The following ZNF385D variants were observed in gnomAD, a reference collection of about 807,000 sequenced individuals.
The protein encoded by ZNF385D is zinc finger protein 385D.
In ZNF385D, 15 loss-of-function variants were observed where a neutral mutation model predicts 35.8. That is an observed-to-expected ratio of 0.42 (90% CI 0.28 to 0.64). ZNF385D has a LOEUF of 0.64. Ranked by LOEUF, ZNF385D falls within the 30% of genes least tolerant of loss-of-function variation. The pLI is 0.23. For missense variants in ZNF385D, 474 were observed against 494.6 expected (o/e 0.96, Z 0.39); for synonymous variants, 212 against 186.8 (o/e 1.13, Z -1.10).
chr3:22,193,505 G>T (rs1244739491), intron 2 of ZNF385D, among the ~76,000 whole-genome samples: 1 of 151,946 alleles, frequency 6.6e-6, no homozygotes, highest in Non-Finnish European at 1.5e-5. Context: ...GGAAAAATAT[G>T]GGTTAAATGA....
intron 2 of ZNF385D, among the ~76,000 whole-genome samples, chr3:22,270,989 G>C (rs1701148115): frequency 1.3e-5 from 2 of 151,774 alleles, no homozygotes; most frequent in African/African-American, 4.8e-5. Flanking sequence ...TTTTCATTCT[G>C]GGTATTTTCT....
intron 2 of ZNF385D, among the ~76,000 whole-genome samples, chr3:22,209,622 A>T (rs1020019312): frequency 1.3e-5 from 2 of 151,854 alleles, no homozygotes; most frequent in Admixed American, 1.3e-4. Context: ...TATCATATAT[A>T]TTCATTTCAT....
intron 2 of ZNF385D, among the ~76,000 whole-genome samples, chr3:21,613,221 T>A (rs2064740489): frequency 6.6e-6 from 1 of 152,044 alleles, no homozygotes; most frequent in Non-Finnish European, 1.5e-5. Context: ...ATATATTTCA[T>A]TAAAGTCAAG....
chr3:22,028,078 G>C (rs1376516623), intron 3 of ZNF385D, among the ~76,000 whole-genome samples: 1 of 152,176 alleles, frequency 6.6e-6, no homozygotes, highest in Non-Finnish European at 1.5e-5. Context: ...CGATTCATGG[G>C]CTGTAGTCAA....
At chr3:21,940,441 C>A (rs930810866) in intron 3 of ZNF385D, among the ~76,000 whole-genome samples, 52 of 152,276 alleles carry the variant, frequency 3.4e-4, no homozygotes, top group African/African-American at 1.2e-3. Context: ...ATATGTAAAG[C>A]ACTATTTTTT....
At chr3:22,181,185 T>C (rs1256210119) in intron 2 of ZNF385D, among the ~76,000 whole-genome samples, 1 of 152,100 alleles carries the variant, frequency 6.6e-6, no homozygotes. Context: ...CCTTTCACTA[T>C]TAAAGGAGAA....
chr3:21,415,344 T>C lies in ZNF385D; in HGVS notation c.*5870A>G, dbSNP rs1374242378. On this transcript the variant is annotated 3_prime_UTR_variant, in exon 8 of 8. Coordinates refer to ENST00000281523, the MANE Select transcript of ZNF385D (RefSeq NM_024697.3). ...AGTAGCTGATGTGAAATGATACAAT[T>C]GTATGACCCAACTCAAACTGTTAGC... The C allele has an allele frequency of 6.6e-6, 1 of 152,134 alleles. No individual in the cohort carries two copies. The highest frequency in any genetic ancestry group is 2.4e-5 in the African/African-American group (1 of 41,424). The allele number at this position is 152,134 out of a possible 1,614,324, so 9.4% of individuals were successfully genotyped here.
intron 3 of ZNF385D, among the ~76,000 whole-genome samples, chr3:21,897,545 A>G (rs990069899): frequency 2.0e-5 from 3 of 152,014 alleles, no homozygotes; most frequent in African/African-American, 7.2e-5. Context: ...GGGTGTGCTG[A>G]TTGTGGCTAA....
At chr3:21,619,361 A>G (rs574253693) in intron 2 of ZNF385D, among the ~76,000 whole-genome samples, 42 of 152,186 alleles carry the variant, frequency 2.8e-4, no homozygotes, top group African/African-American at 8.9e-4. Flanking sequence ...AACAAACAGT[A>G]CAGAAGACTT....
chr3:21,638,491 G>A (rs547484733), intron 2 of ZNF385D, among the ~76,000 whole-genome samples: 2 of 152,188 alleles, frequency 1.3e-5, no homozygotes, highest in South Asian at 4.1e-4. Flanking sequence ...ATCCACCTGA[G>A]CCCATCCCTG....
intron 3 of ZNF385D, among the ~76,000 whole-genome samples, chr3:22,017,424 C>A (rs925619488): frequency 6.6e-6 from 1 of 151,968 alleles, no homozygotes; most frequent in African/African-American, 2.4e-5. Flanking sequence ...TGTTGTCTTT[C>A]AGCTGTATCT....
intron 3 of ZNF385D, among the ~76,000 whole-genome samples, chr3:21,784,729 G>C (rs2071619585): frequency 6.6e-6 from 1 of 151,756 alleles, no homozygotes; most frequent in Non-Finnish European, 1.5e-5. Context: ...ATTTTAAAAA[G>C]TCATAATTAA....
intron 3 of ZNF385D, among the ~76,000 whole-genome samples, chr3:22,015,372 A>G (rs1440221841): frequency 6.6e-6 from 1 of 152,180 alleles, no homozygotes; most frequent in African/African-American, 2.4e-5. Flanking sequence ...AAACCCTCTC[A>G]TATCATGAAC....
intron 2 of ZNF385D, among the ~76,000 whole-genome samples, chr3:22,205,097 GAA>G (rs984140682): frequency 6.6e-6 from 1 of 151,346 alleles, no homozygotes; most frequent in Non-Finnish European, 1.5e-5. Context: ...CAAGAATAAG[GAA>G]AAGATTCTAA....
intron 3 of ZNF385D, among the ~76,000 whole-genome samples, chr3:22,090,182 C>T (rs1289489576): frequency 9.9e-5 from 15 of 152,054 alleles, no homozygotes; most frequent in Admixed American, 9.2e-4. Flanking sequence ...GTTCAAATTG[C>T]TACAAAATTT....
At chr3:21,512,728 T>C (rs1707303093) in intron 3 of ZNF385D, among the ~76,000 whole-genome samples, 1 of 152,184 alleles carries the variant, frequency 6.6e-6, no homozygotes, top group South Asian at 2.1e-4. Context: ...AGCGATAGAT[T>C]GGATTAAGTT....
chr3:22,184,408 CT>C lies in ZNF385D; in HGVS notation c.107-15374del, dbSNP rs553354899. On this transcript the variant is annotated intron_variant, in intron 2 of 5. Transcript: ENST00000494108. ...CAACATGTTTTATCATTTAATTTTC[CT>C]CTCATTGTGGCAGATCTCAAATCTT... 2.7e-3 allele frequency among the ~76,000 whole-genome samples: 407 copies of C among 152,108 alleles called. 2 individuals are homozygous for C. Among genetic ancestry groups the C allele is most frequent in the African/African-American group, 8.3e-3 (343 of 41,492 alleles).
chr3:22,111,276 A>G (rs771358233), intron 3 of ZNF385D, among the ~76,000 whole-genome samples: 1 of 148,796 alleles, frequency 6.7e-6, no homozygotes, highest in African/African-American at 2.5e-5. Flanking sequence ...AAAAGATTAG[A>G]AACTTCTAGA....
intron 3 of ZNF385D, among the ~76,000 whole-genome samples, chr3:21,913,872 T>G (rs1700076395): frequency 6.6e-6 from 1 of 152,114 alleles, no homozygotes; most frequent in African/African-American, 2.4e-5. Context: ...TCAGTAGTTG[T>G]TAAAATTAGG....
Sources: gnomAD v4.1 joint callset for allele counts (sites outside exome capture counted in the v4.1 genomes callset) on GRCh38, gnomAD v4.1.1 for gene constraint, MANE v1.5 for transcripts, NCBI Gene and HGNC (gene_info 2026-07-23, HGNC 2026-07-21) for gene names.